EEA1: variants seen among roughly 807,000 people sequenced by gnomAD.
The protein encoded by EEA1 is early endosome antigen 1, 162kD.
EEA1 carries 111 observed loss-of-function variants against 209.2 expected under a neutral mutation model. The observed-to-expected ratio is 0.53, with a 90% confidence interval of 0.45 to 0.62. The LOEUF is 0.62. Among genes scored for constraint, EEA1 ranks in the 20% least tolerant of loss-of-function variants. The pLI, the probability that EEA1 is intolerant of heterozygous loss-of-function variation, is 0.00. For synonymous variants in EEA1, 536 were observed against 540.6 expected (o/e 0.99, Z 0.12); for missense variants, 1,343 against 1,530.8 (o/e 0.88, Z 2.05).
intron 10 of EEA1, among the ~76,000 whole-genome samples, chr12:92,837,199 T>C (rs1252727179): frequency 6.6e-6 from 1 of 152,018 alleles, no homozygotes; most frequent in Non-Finnish European, 1.5e-5. Flanking sequence ...GCACTTTTAT[T>C]ATTTTATTAA....
chr12:92,911,811 G>A (rs372266493), intron 1 of EEA1, among the ~76,000 whole-genome samples: 416 of 117,370 alleles, frequency 3.5e-3, no homozygotes, highest in African/African-American at 0.013. Context: ...AAAGTAACTT[G>A]TTTTTCAAAT....
In EEA1 at chr12:92,928,975, C is replaced by T; in HGVS notation, c.24+68G>A. 5.9e-6 allele frequency: 9 copies of T among 1,519,862 alleles called. No individual in the cohort carries two copies. In the South Asian group the frequency reaches 9.7e-5, roughly 16 times the overall value. The allele number at this position is 1,519,862 out of a possible 1,614,324, so 94.1% of individuals were successfully genotyped here. On this transcript the variant is annotated intron_variant, in intron 1 of 28. Coordinates refer to ENST00000322349, the MANE Select transcript of EEA1 (RefSeq NM_003566.4). ...GGAGCCCGCGCTGAGGAGGGGCGCC[C>T]GCGCCGCGGCCCCGAGCTCCGGCTG... is the stretch of plus-strand genomic sequence containing the variant.
chr12:92,891,170 CATTTTTAATATAATGTATTT>C (rs1879642115), intron 2 of EEA1, among the ~76,000 whole-genome samples: 1 of 150,298 alleles, frequency 6.7e-6, no homozygotes. Context: ...ATAATTTCTT[CATTTTTAATATAATGTATTT>C]ATATTTAATA....
At chr12:92,779,793 T>A (rs1316266263) in intron 24 of EEA1, among the ~76,000 whole-genome samples, 1 of 152,150 alleles carries the variant, frequency 6.6e-6, no homozygotes, top group Non-Finnish European at 1.5e-5. Flanking sequence ...AACCTTTTTT[T>A]AAGAAATTAG....
At chr12:92,810,345 A>G (rs1377524655) in intron 17 of EEA1, among the ~76,000 whole-genome samples, 1 of 152,148 alleles carries the variant, frequency 6.6e-6, no homozygotes, top group Non-Finnish European at 1.5e-5. Flanking sequence ...CTAAATAACC[A>G]CTATTTTTAA....
chr12:92,855,005 T>C (rs538390782), intron 5 of EEA1, among the ~76,000 whole-genome samples: 3 of 152,344 alleles, frequency 2.0e-5, no homozygotes, highest in Admixed American at 6.5e-5. Flanking sequence ...CAATAAACCA[T>C]GCAATTCATG....
At chr12:92,913,904 G>A (rs1053501962) in intron 1 of EEA1, among the ~76,000 whole-genome samples, 7 of 151,946 alleles carry the variant, frequency 4.6e-5, no homozygotes, top group South Asian at 2.1e-4. Context: ...CAGGTGATCC[G>A]CCCGCCTAGG....
rs1372041748 is a variant in EEA1, at chr12:92,778,114, G to C, written c.3720C>G (p.Thr1240=). ...KKHEENEAKL[T]MQITALNENL... ...TTTCATTTAATGCTGTAATCTGCAT[G>C]GTAAGTTTAGCCTCATTTTCTTCAT... The change falls in exon 26 of 29, where the codon ACC becomes ACG. Residue 1240 remains threonine, a synonymous_variant. Coordinates refer to ENST00000322349, the MANE Select transcript of EEA1 (RefSeq NM_003566.4). The C allele has an allele frequency of 1.9e-6, 3 of 1,613,176 alleles. No individual in the cohort carries two copies. Among genetic ancestry groups the C allele is most frequent in the East Asian group, 2.2e-5 (1 of 44,840 alleles).
intron 9 of EEA1, among the ~76,000 whole-genome samples, chr12:92,844,288 T>C (rs1321441112): frequency 6.6e-6 from 1 of 152,170 alleles, no homozygotes; most frequent in Non-Finnish European, 1.5e-5. Flanking sequence ...GTTTCAAAAA[T>C]GCTTTTAGGA....
intron 2 of EEA1, among the ~76,000 whole-genome samples, chr12:92,882,511 T>C (rs1489581913): frequency 1.3e-5 from 2 of 152,096 alleles, no homozygotes; most frequent in Non-Finnish European, 2.9e-5. Flanking sequence ...CAAATGATCT[T>C]GTCACCCAGG....
At chr12:92,801,787 C>G (rs561079385) in intron 19 of EEA1, 86 bp from the exon 20 acceptor site, 1 of 853,502 alleles carries the variant, frequency 1.2e-6, no homozygotes, top group African/African-American at 1.8e-5. Flanking sequence ...AAGATACACA[C>G]GAAGAAATAA....
intron 2 of EEA1, 43 bp from the exon 3 acceptor site, chr12:92,865,030 A>G: frequency 2.7e-6 from 4 of 1,470,630 alleles, no homozygotes; most frequent in Non-Finnish European, 3.7e-6. Flanking sequence ...AGTATTTAAT[A>G]TTGTGAAATA....
At position 92,881,445 on chromosome 12, in the gene EEA1, A is replaced by T. The variant is rs535424593; in HGVS notation, c.117+10184T>A. On this transcript the variant is annotated intron_variant, in intron 2 of 28. Coordinates refer to ENST00000322349, the MANE Select transcript of EEA1 (RefSeq NM_003566.4). ...AAGAAGGAACGGAGGGAAGGAAAGGAAAAGGAAGAAAGGGAAAGAAAGGCG... is the reference window on the plus strand; with the variant it reads ...AAGAAGGAACGGAGGGAAGGAAAGGTAAAGGAAGAAAGGGAAAGAAAGGCG... Among the ~76,000 whole-genome samples the T allele has an allele frequency of 1.6e-4, 24 of 152,066 alleles. 1 individual carries two copies. In the South Asian group the frequency reaches 5.0e-3, roughly 32 times the overall value.
intron 1 of EEA1, among the ~76,000 whole-genome samples, chr12:92,893,714 A>C (rs1879753734): frequency 6.6e-6 from 1 of 152,152 alleles, no homozygotes; most frequent in Non-Finnish European, 1.5e-5. Context: ...CAAGACAGGA[A>C]TCTTCATTTT....
chr12:92,781,197 A>ATCAAACC (rs1365867752), intron 23 of EEA1, among the ~76,000 whole-genome samples: 1 of 152,186 alleles, frequency 6.6e-6, no homozygotes, highest in East Asian at 1.9e-4. Flanking sequence ...GGCATGAGCC[A>ATCAAACC]TCAAACCTGG....
chr12:92,885,876 C>T (rs1352336095), intron 2 of EEA1, among the ~76,000 whole-genome samples: 1 of 152,108 alleles, frequency 6.6e-6, no homozygotes, highest in African/African-American at 2.4e-5. Flanking sequence ...ATACATAATG[C>T]TGAGCAAATC....
chr12:92,796,168 C>T (rs1874645365), intron 21 of EEA1, among the ~76,000 whole-genome samples: 1 of 151,530 alleles, frequency 6.6e-6, no homozygotes, highest in African/African-American at 2.4e-5. Context: ...ATTTTGCTTT[C>T]TCATTAAATT....
intron 13 of EEA1, among the ~76,000 whole-genome samples, chr12:92,820,594 G>A (rs11836247): frequency 0.25 from 38,440 of 151,760 alleles, 5,332 homozygotes; most frequent in Non-Finnish European, 0.32. Flanking sequence ...GGAGCCTGTT[G>A]GGGGTTGGGG....
chr12:92,880,968 T>C (rs1012605974), intron 2 of EEA1, among the ~76,000 whole-genome samples: 7 of 152,162 alleles, frequency 4.6e-5, no homozygotes, highest in Non-Finnish European at 7.3e-5. Flanking sequence ...ACTGATGAGT[T>C]CTTTGCCTCA....
Sources: gnomAD v4.1 joint callset for allele counts (sites outside exome capture counted in the v4.1 genomes callset) on GRCh38, gnomAD v4.1.1 for gene constraint, MANE v1.5 for transcripts, NCBI Gene and HGNC (gene_info 2026-07-23, HGNC 2026-07-21) for gene names.